The following MYBL2 variants were observed in gnomAD, a reference collection of about 807,000 sequenced individuals.
MYBL2 encodes myb-related protein B.
In MYBL2, 28 loss-of-function variants were observed where a neutral mutation model predicts 79.9. The observed-to-expected ratio is 0.35, with a 90% CI of 0.26 to 0.48. MYBL2 has a LOEUF of 0.48. MYBL2 is among the 20% of genes least tolerant of loss of function. The pLI is 0.99. For synonymous variants in MYBL2, 378 were observed against 361.2 expected, an observed-to-expected ratio of 1.05 and a Z score of -0.53; for missense variants, 735 against 893.9, an observed-to-expected ratio of 0.82 and a Z score of 2.27.
At chr20:43,668,480 G>A (rs963743149) in intron 1 of MYBL2, among the ~76,000 whole-genome samples, 6 of 152,058 alleles carry the variant, frequency 3.9e-5, no homozygotes, top group African/African-American at 1.4e-4. Flanking sequence ...GATTACAGGC[G>A]TGAGCCACCT....
chr20:43,677,722 A>C (rs1987043733), intron 2 of MYBL2, among the ~76,000 whole-genome samples: 1 of 145,330 alleles, frequency 6.9e-6, no homozygotes, highest in Admixed American at 6.8e-5. Context: ...CCCGTCCGGG[A>C]GGTGAGGGGC....
At chr20:43,711,249 A>C (rs952184567) in intron 10 of MYBL2, among the ~76,000 whole-genome samples, 4 of 152,214 alleles carry the variant, frequency 2.6e-5, no homozygotes, top group Non-Finnish European at 5.9e-5. Flanking sequence ...TGAGGGTTAC[A>C]GTGCGTCTCT....
intron 2 of MYBL2, among the ~76,000 whole-genome samples, chr20:43,678,092 C>G (rs199940928): frequency 1.3e-5 from 2 of 149,994 alleles, no homozygotes; most frequent in African/African-American, 5.1e-5. Flanking sequence ...GTTAAACAGA[C>G]GCTTGAAGGC....
Position 43,711,550 on chromosome 20 carries a change from A to C in MYBL2, c.1668A>C (p.Glu556Asp). The C allele has an allele frequency of 7.4e-6, 12 of 1,613,620 alleles. No individual in the cohort carries two copies. The highest frequency in any genetic ancestry group is 1.0e-5 in the Non-Finnish European group (12 of 1,179,816). Residue 556 changes from glutamate to aspartate, a missense_variant, in exon 11 of 14, where the codon GAA becomes GAC. Coordinates refer to ENST00000217026, the MANE Select transcript of MYBL2 (RefSeq NM_002466.4). ...TGCTGCGTTCTGAGGCTGGCATCGA[A>C]CTCATCATCGAGGACGACATCAGGC... ...KEVLRSEAGI[E>D]LIIEDDIRPE...
chr20:43,688,359 G>T (rs1017838085), intron 5 of MYBL2, among the ~76,000 whole-genome samples: 2 of 151,746 alleles, frequency 1.3e-5, no homozygotes, highest in African/African-American at 4.8e-5. Context: ...GTGCCACCAT[G>T]CCTGGCTAAT....
intron 2 of MYBL2, among the ~76,000 whole-genome samples, chr20:43,675,562 C>A (rs960304800): frequency 1.3e-5 from 2 of 152,108 alleles, no homozygotes; most frequent in Non-Finnish European, 2.9e-5. Flanking sequence ...ATCCACCCAC[C>A]TTGGCCTCCC....
In MYBL2 at chr20:43,706,426, TAGAG is replaced by T. The variant is rs530662932; in HGVS notation, c.1505+1073_1505+1076del. Among the ~76,000 whole-genome samples the T allele has an allele frequency of 8.5e-4, 130 of 152,256 alleles. 3 individuals are homozygous for T. The highest frequency in any genetic ancestry group is 2.8e-3 in the African/African-American group (118 of 41,554). ...GGTCATCATGATTCTAAATTCCAGGTAGAGAGAGTTGCTTAACTATTCCTCTGCT... is the reference window on the plus strand; with the variant it reads ...GGTCATCATGATTCTAAATTCCAGGTAGAGTTGCTTAACTATTCCTCTGCT... On this transcript the variant is annotated intron_variant, in intron 9 of 13. Coordinates refer to ENST00000217026, the MANE Select transcript of MYBL2 (RefSeq NM_002466.4).
At chr20:43,675,815 T>C (rs982755535) in intron 2 of MYBL2, among the ~76,000 whole-genome samples, 1 of 151,940 alleles carries the variant, frequency 6.6e-6, no homozygotes, top group Non-Finnish European at 1.5e-5. Context: ...CAGGGGTATA[T>C]GTGCAGGTTT....
At chr20:43,668,004 A>C (rs285205) in intron 1 of MYBL2, among the ~76,000 whole-genome samples, 114,784 of 151,496 alleles carry the variant, frequency 0.76, 44,465 homozygotes, top group Non-Finnish European at 0.84. Context: ...TCTCCATTTT[A>C]CTTATTTCCC....
At chr20:43,699,345 C>T in intron 6 of MYBL2, among the ~76,000 whole-genome samples, 1 of 152,202 alleles carries the variant, frequency 6.6e-6, no homozygotes, top group Non-Finnish European at 1.5e-5. Flanking sequence ...TGCACCCAAC[C>T]TCTGTGTATT....
intron 5 of MYBL2, among the ~76,000 whole-genome samples, chr20:43,688,060 A>T (rs1252106522): frequency 6.6e-6 from 1 of 151,126 alleles, no homozygotes; most frequent in Non-Finnish European, 1.5e-5. Flanking sequence ...AAAGCATTCC[A>T]TGATCTTTTC....
intron 9 of MYBL2, 88 bp downstream of exon 9, chr20:43,705,446 G>A: frequency 2.1e-6 from 3 of 1,420,048 alleles, no homozygotes; most frequent in Non-Finnish European, 2.8e-6. Context: ...GGAACAGTGG[G>A]GAGGGGGCAC....
rs1322107808 is a variant in MYBL2, at chr20:43,699,785, T to C, written c.692T>C (p.Val231Ala). 1 of 1,614,068 alleles carries C rather than the reference T, an allele frequency of 6.2e-7. No homozygotes were observed. The highest frequency in any genetic ancestry group is 1.7e-5 in the Admixed American group (1 of 59,996). The change falls in exon 7 of 14, where the codon GTC becomes GCC. Residue 231 changes from valine (V) to alanine (A), a missense_variant. Physicochemically the swap from Val to Ala is moderately conservative, Grantham distance 64 (BLOSUM62 0). Coordinates refer to ENST00000217026, the MANE Select transcript of MYBL2 (RefSeq NM_002466.4). ...AGTCTTCTGACCAACTGGCCCTCCGTCCCTCCTACCATAAAGGAGGAGGAA... is the reference window on the plus strand; with the variant it reads ...AGTCTTCTGACCAACTGGCCCTCCGCCCCTCCTACCATAAAGGAGGAGGAA... ...QGSLLTNWPS[V>A]PPTIKEEENS...
At chr20:43,712,873 G>T in intron 11 of MYBL2, 129 bp from the exon 12 acceptor site, 1 of 687,372 alleles carries the variant, frequency 1.5e-6, no homozygotes. Flanking sequence ...CCCACTAGCT[G>T]GGCCTTGCTC....
chr20:43,687,383 G>T (rs903797408), intron 5 of MYBL2, among the ~76,000 whole-genome samples: 1 of 152,174 alleles, frequency 6.6e-6, no homozygotes, highest in Non-Finnish European at 1.5e-5. Context: ...TCTTCTCTTC[G>T]ACTTCAGTTT....
At chr20:43,703,514 G>T (rs902928009) in intron 8 of MYBL2, among the ~76,000 whole-genome samples, 5 of 152,172 alleles carry the variant, frequency 3.3e-5, no homozygotes, top group Non-Finnish European at 7.4e-5. Context: ...GGGGGCACCT[G>T]GCCTTCCTGC....
chr20:43,705,527 A>T (rs558447315), intron 9 of MYBL2, among the ~76,000 whole-genome samples, 169 bp downstream of exon 9: 1 of 152,180 alleles, frequency 6.6e-6, no homozygotes, highest in East Asian at 1.9e-4. Flanking sequence ...TATCATTTTT[A>T]TCGATATAGT....
At chr20:43,688,403 T>C (rs867424286) in intron 5 of MYBL2, among the ~76,000 whole-genome samples, 1 of 152,146 alleles carries the variant, frequency 6.6e-6, no homozygotes, top group Non-Finnish European at 1.5e-5. Flanking sequence ...AATTTCACCA[T>C]GTTGGCCAGG....
At chr20:43,692,361 T>C in intron 6 of MYBL2, 42 bp downstream of exon 6, 1 of 1,610,012 alleles carries the variant, frequency 6.2e-7, no homozygotes, top group Non-Finnish European at 8.5e-7. Flanking sequence ...TGATTTCACA[T>C]TCATCTGACA....
Sources: gnomAD v4.1 joint callset for allele counts (sites outside exome capture counted in the v4.1 genomes callset) on GRCh38, gnomAD v4.1.1 for gene constraint, MANE v1.5 for transcripts, NCBI Gene and HGNC (gene_info 2026-07-23, HGNC 2026-07-21) for gene names.